The following MAP3K5 variants were observed in gnomAD, a reference collection of about 807,000 sequenced individuals.
MAP3K5 encodes the protein mitogen-activated protein kinase kinase kinase 5, also known as ASK-1.
MAP3K5 carries 56 observed loss-of-function variants against 158.7 expected under a neutral mutation model. That is an observed-to-expected ratio of 0.35 (90% CI 0.28 to 0.44). MAP3K5 has a LOEUF of 0.44. MAP3K5 is among the 20% of genes least tolerant of loss of function. The probability of loss-of-function intolerance (pLI) is 1.00; values close to 1 mark genes in which losing one functional copy is unlikely to be tolerated. For missense variants in MAP3K5, 1,294 were observed against 1,674.8 expected, an observed-to-expected ratio of 0.77 and a Z score of 3.97; for synonymous variants, 579 against 601.7, an observed-to-expected ratio of 0.96 and a Z score of 0.55.
chr6:136,716,724 T>G (rs1191653604), intron 2 of MAP3K5, among the ~76,000 whole-genome samples: 1 of 152,238 alleles, frequency 6.6e-6, no homozygotes, highest in Non-Finnish European at 1.5e-5. Context: ...AAATAATTGT[T>G]ACTAGCATTT....
At chr6:136,626,894 T>C (rs1245402689) in intron 14 of MAP3K5, among the ~76,000 whole-genome samples, 1 of 152,170 alleles carries the variant, frequency 6.6e-6, no homozygotes, top group East Asian at 1.9e-4. Flanking sequence ...CCAGTGAAAA[T>C]ATATCAGAGT....
intron 1 of MAP3K5, among the ~76,000 whole-genome samples, chr6:136,728,654 T>C (rs1033652494): frequency 6.6e-6 from 1 of 152,226 alleles, no homozygotes; most frequent in African/African-American, 2.4e-5. Context: ...GATTTCCTCA[T>C]CACTAAACTC....
Position 136,729,507 on chromosome 6 carries a change from G to C in MAP3K5, c.449-8918C>G, listed in dbSNP as rs142741631. 1.8e-4 allele frequency among the ~76,000 whole-genome samples: 27 copies of C among 152,314 alleles called. No individual in the cohort carries two copies. In the East Asian group the frequency reaches 5.0e-3, roughly 28 times the overall value. On this transcript the variant is annotated intron_variant, in intron 1 of 29. Coordinates refer to ENST00000359015, the MANE Select transcript of MAP3K5 (RefSeq NM_005923.4). ...AAGAAATGCCCAGAGGAGACCCTTT[G>C]AGCAATGTATCATTAAAATGTGATC...
At chr6:136,590,491 T>C (rs1261917583) in intron 23 of MAP3K5, among the ~76,000 whole-genome samples, 3 of 152,218 alleles carry the variant, frequency 2.0e-5, no homozygotes, top group East Asian at 3.9e-4. Flanking sequence ...AAAGAATTGA[T>C]TCCTGGTAGG....
intron 7 of MAP3K5, among the ~76,000 whole-genome samples, chr6:136,677,575 A>C (rs1373678183): frequency 2.0e-5 from 3 of 152,200 alleles, no homozygotes; most frequent in Non-Finnish European, 2.9e-5. Context: ...GTCATGGTTC[A>C]GCTCTGCTCC....
chr6:136,568,929 G>A (rs1449277908), intron 25 of MAP3K5, among the ~76,000 whole-genome samples: 2 of 146,098 alleles, frequency 1.4e-5, no homozygotes, highest in Non-Finnish European at 3.0e-5. Flanking sequence ...CCCCCCAACT[G>A]ACTGAAGAAC....
intron 26 of MAP3K5, among the ~76,000 whole-genome samples, chr6:136,566,107 G>A (rs980963645): frequency 2.0e-5 from 3 of 151,902 alleles, no homozygotes; most frequent in African/African-American, 7.3e-5. Flanking sequence ...CTCAGGGACT[G>A]CAGATGGCCC....
intron 1 of MAP3K5, among the ~76,000 whole-genome samples, chr6:136,758,779 A>C (rs1582653401): frequency 2.6e-5 from 4 of 152,268 alleles, no homozygotes; most frequent in Admixed American, 1.3e-4. Context: ...CTGTTAGTCT[A>C]TCCAAGAAAA....
chr6:136,582,105 T>C (rs1488599052), intron 24 of MAP3K5, among the ~76,000 whole-genome samples: 1 of 152,006 alleles, frequency 6.6e-6, no homozygotes, highest in Non-Finnish European at 1.5e-5. Flanking sequence ...ATTTACATTC[T>C]TATTAGGTGG....
In MAP3K5 at chr6:136,658,267, G is replaced by A. The variant is rs142259358; in HGVS notation, c.1526+952C>T. 3.3e-5 allele frequency among the ~76,000 whole-genome samples: 5 copies of A among 149,692 alleles called. No individual in the cohort carries two copies. In the East Asian group the frequency reaches 7.9e-4, roughly 24 times the overall value. The stretch of plus-strand genomic sequence containing the variant: ...CTAATGGTTAATCGCTACATGTGAT[G>A]CTAATAAAAATTCTTTTTCTTTTTC... On this transcript the variant is annotated intron_variant, in intron 9 of 29. Transcript: ENST00000359015.
At chr6:136,607,141 G>A (rs1447090684) in intron 18 of MAP3K5, among the ~76,000 whole-genome samples, 1 of 151,992 alleles carries the variant, frequency 6.6e-6, no homozygotes, top group Non-Finnish European at 1.5e-5. Context: ...TGATAATTTT[G>A]TATGATTTAA....
intron 9 of MAP3K5, among the ~76,000 whole-genome samples, chr6:136,658,478 C>A (rs966323185): frequency 6.6e-6 from 1 of 151,912 alleles, no homozygotes; most frequent in African/African-American, 2.4e-5. Context: ...TCATGCCCAG[C>A]TAATTTTTGT....
intron 1 of MAP3K5, among the ~76,000 whole-genome samples, chr6:136,744,489 A>G (rs1177533790): frequency 6.6e-6 from 1 of 152,128 alleles, no homozygotes; most frequent in Non-Finnish European, 1.5e-5. Context: ...CAGAAGCCAA[A>G]GAACTCCCAC....
At chr6:136,628,498 G>A (rs1777152269) in intron 14 of MAP3K5, among the ~76,000 whole-genome samples, 1 of 151,920 alleles carries the variant, frequency 6.6e-6, no homozygotes, top group South Asian at 2.1e-4. Flanking sequence ...CCAAATAGCT[G>A]GGACTCAGGT....
chr6:136,566,249 G>A (rs1774106531), intron 26 of MAP3K5, among the ~76,000 whole-genome samples: 1 of 152,230 alleles, frequency 6.6e-6, no homozygotes, highest in African/African-American at 2.4e-5. Context: ...AGCCAGGTGT[G>A]TAGACAGGAG....
intron 2 of MAP3K5, among the ~76,000 whole-genome samples, chr6:136,716,975 T>C (rs1217135660): frequency 6.6e-6 from 1 of 152,080 alleles, no homozygotes. Flanking sequence ...CTGGCCAACA[T>C]GGTGAAACCC....
chr6:136,662,944 T>C (rs1779068532), intron 8 of MAP3K5, among the ~76,000 whole-genome samples: 3 of 152,238 alleles, frequency 2.0e-5, no homozygotes, highest in African/African-American at 2.4e-5. Flanking sequence ...GTCATTAAAA[T>C]TGGTTGACTT....
chr6:136,709,732 T>C (rs1781229581), intron 2 of MAP3K5, among the ~76,000 whole-genome samples: 2 of 152,258 alleles, frequency 1.3e-5, no homozygotes, highest in Non-Finnish European at 2.9e-5. Flanking sequence ...TTATAATGCA[T>C]GCATTTTAGA....
At chr6:136,618,459 G>A (rs1776662159) in intron 15 of MAP3K5, among the ~76,000 whole-genome samples, 1 of 152,220 alleles carries the variant, frequency 6.6e-6, no homozygotes, top group South Asian at 2.1e-4. Context: ...GTGTTGGTGT[G>A]CTTTGTGTGT....
Sources: allele counts gnomAD v4.1 joint callset (sites outside exome capture counted in the v4.1 genomes callset), GRCh38; gene constraint gnomAD v4.1.1; transcripts MANE v1.5; gene names NCBI Gene and HGNC (gene_info 2026-07-23, HGNC 2026-07-21).